The following CDKN2B-AS1 variants were observed in gnomAD, a reference collection of about 807,000 sequenced individuals.
CDKN2B-AS1 encodes the protein CDKN2B and CDKN2A antisense cis and trans regulatory RNA 1, also known as CDKN2B antisense RNA 1 (non-protein coding).
At chr9:22,114,696 G>A (rs1308681904) in intron 4 of CDKN2B-AS1, among the ~76,000 whole-genome samples, 1 of 152,200 alleles carries the variant, frequency 6.6e-6, no homozygotes, top group East Asian at 1.9e-4. Context: ...CATGGACTCA[G>A]TACAAACTTG....
chr9:22,101,509 A>G (rs1485748935), intron 4 of CDKN2B-AS1, among the ~76,000 whole-genome samples: 1 of 152,196 alleles, frequency 6.6e-6, no homozygotes, highest in African/African-American at 2.4e-5. Flanking sequence ...TGACCTAAAT[A>G]TCATTCCCTT....
intron 3 of CDKN2B-AS1, among the ~76,000 whole-genome samples, chr9:22,053,688 A>G (rs10965219): frequency 0.58 from 88,878 of 152,066 alleles, 26,901 homozygotes; most frequent in African/African-American, 0.7. Flanking sequence ...GAGCAAGAAC[A>G]TTCAAAAATT....
At chr9:22,048,315 A>C (rs906869168) in intron 2 of CDKN2B-AS1, among the ~76,000 whole-genome samples, 1 of 152,140 alleles carries the variant, frequency 6.6e-6, no homozygotes, top group Non-Finnish European at 1.5e-5. Context: ...ATCTGGTTAA[A>C]GTGCTCATAC....
rs1464478507 is a variant in CDKN2B-AS1 at position 22,039,749 on chromosome 9, G to A, written n.30-7002G>A. On this transcript the variant is annotated intron_variant and non_coding_transcript_variant, in intron 1 of 4. Transcript: ENST00000650946. This position sits in a 1 kb window ranked among gnomAD's most constrained non-coding sequence, Gnocchi z 4.4. Reference sequence around the variant, plus strand: ...TAAATAAACTTTGCCAAATCTTCAGGCCCTCAAAATTTTTTCATTCCATTT... The same window carrying A: ...TAAATAAACTTTGCCAAATCTTCAGACCCTCAAAATTTTTTCATTCCATTT... Among the ~76,000 whole-genome samples, 6 of 152,012 alleles carry A rather than the reference G, an allele frequency of 3.9e-5. No individual in the cohort carries two copies. In the East Asian group the frequency reaches 9.7e-4, roughly 25 times the overall value.
chr9:22,005,894 C>G lies in CDKN2B-AS1; in HGVS notation n.29+10733C>G. ...TTGCAGGCTTACAGGCTTTCCGCCG[C>G]TCCCCGTTGGCAGCCTTCATCGAAT... On this transcript the variant is annotated intron_variant and non_coding_transcript_variant, in intron 1 of 4. Transcript: ENST00000650946. The surrounding 1 kb of genome is among the most constrained non-coding windows in gnomAD (Gnocchi z 4.9). 1 of 1,515,606 alleles carries G rather than the reference C, an allele frequency of 6.6e-7. No individual in the cohort carries two copies. The allele number at this position is 1,515,606 out of a possible 1,614,324, so 93.9% of individuals were successfully genotyped here. A position where few individuals can be genotyped will look rare whatever the true frequency, so the allele number is the denominator to read the frequency against.
intron 4 of CDKN2B-AS1, among the ~76,000 whole-genome samples, chr9:22,085,565 C>CA (rs1310275754): frequency 1.3e-5 from 2 of 152,070 alleles, no homozygotes; most frequent in Non-Finnish European, 2.9e-5. Context: ...CTAAAAAATA[C>CA]AAAAAATTAG....
intron 4 of CDKN2B-AS1, among the ~76,000 whole-genome samples, chr9:22,085,634 T>C (rs1824844576): frequency 6.8e-6 from 1 of 148,020 alleles, no homozygotes; most frequent in Admixed American, 6.9e-5. Context: ...GGCAGGAGAA[T>C]GGCGTGAACC....
At chr9:22,012,792 A>G (rs1188905843) in intron 1 of CDKN2B-AS1, among the ~76,000 whole-genome samples, 1 of 113,834 alleles carries the variant, frequency 8.8e-6, no homozygotes, top group East Asian at 3.1e-4. Context: ...TTTTTTATGA[A>G]CACACCTTCC....
At chr9:22,043,873 G>A (rs1823001359) in intron 1 of CDKN2B-AS1, among the ~76,000 whole-genome samples, 1 of 151,776 alleles carries the variant, frequency 6.6e-6, no homozygotes, top group South Asian at 2.1e-4. Context: ...GCCTTTAGTA[G>A]TACTACACAT....
At chr9:22,072,533 CTTAG>C (rs1228643060) in intron 4 of CDKN2B-AS1, among the ~76,000 whole-genome samples, 4 of 152,176 alleles carry the variant, frequency 2.6e-5, no homozygotes, top group East Asian at 1.9e-4. Context: ...CTATCTAAGC[CTTAG>C]TTAGTTTTGT....
intron 4 of CDKN2B-AS1, among the ~76,000 whole-genome samples, chr9:22,098,210 T>G (rs1448947966): frequency 6.6e-6 from 1 of 151,626 alleles, no homozygotes; most frequent in African/African-American, 2.4e-5. Flanking sequence ...TGTATTTATA[T>G]TATATATGTG....
intron 3 of CDKN2B-AS1, among the ~76,000 whole-genome samples, chr9:22,050,055 A>G (rs1022558865): frequency 3.9e-5 from 6 of 152,170 alleles, no homozygotes; most frequent in African/African-American, 1.2e-4. Context: ...TGTCCATATC[A>G]CTTAACCAGT....
At chr9:22,024,856 A>G (rs936343497) in intron 1 of CDKN2B-AS1, among the ~76,000 whole-genome samples, 2 of 152,194 alleles carry the variant, frequency 1.3e-5, no homozygotes, top group African/African-American at 4.8e-5. Flanking sequence ...CTGGTCAGGC[A>G]TGGCCCACTG....
intron 4 of CDKN2B-AS1, among the ~76,000 whole-genome samples, chr9:22,069,832 C>T (rs1021017187): frequency 6.6e-6 from 1 of 152,136 alleles, no homozygotes; most frequent in Non-Finnish European, 1.5e-5. Flanking sequence ...TTCCTTCTTG[C>T]TTCCCCAGTC....
intron 3 of CDKN2B-AS1, among the ~76,000 whole-genome samples, chr9:22,050,834 T>C (rs992059766): frequency 6.6e-6 from 1 of 152,208 alleles, no homozygotes; most frequent in Admixed American, 6.5e-5. Flanking sequence ...ATATCACCCT[T>C]CAAATAGTTC....
chr9:22,086,009 C>T (rs1454329253), intron 4 of CDKN2B-AS1, among the ~76,000 whole-genome samples: 2 of 151,850 alleles, frequency 1.3e-5, no homozygotes, highest in African/African-American at 2.4e-5. Context: ...GAAGATGAAC[C>T]TTGGGGGTCA....
At chr9:22,080,782 G>C (rs888885693) in intron 4 of CDKN2B-AS1, among the ~76,000 whole-genome samples, 1 of 152,184 alleles carries the variant, frequency 6.6e-6, no homozygotes, top group African/African-American at 2.4e-5. Context: ...ATGACCACAG[G>C]CCACCAGACT....
chr9:22,004,384 C>T (rs956316701), intron 1 of CDKN2B-AS1: 19 of 231,908 alleles, frequency 8.2e-5, no homozygotes, highest in Admixed American at 2.8e-4. Flanking sequence ...TACATGTATA[C>T]ACTTTGTGTT....
exon 5 of CDKN2B-AS1, among the ~76,000 whole-genome samples, chr9:22,127,168 G>C (rs1818033376): frequency 6.6e-6 from 1 of 152,018 alleles, no homozygotes; most frequent in African/African-American, 2.4e-5. Context: ...TGCAACCTCT[G>C]CTACCCAGGT....
Sources: gnomAD v4.1 joint callset for allele counts (sites outside exome capture counted in the v4.1 genomes callset) on GRCh38, gnomAD v4.1.1 for gene constraint, Gnocchi (gnomAD v3.1) non-coding constraint, MANE v1.5 for transcripts, NCBI Gene and HGNC (gene_info 2026-07-23, HGNC 2026-07-21) for gene names.